SH3BGR: variants seen among roughly 807,000 people sequenced by gnomAD.
SH3BGR encodes the protein SH3 domain binding glutamate rich protein, also known as SH3 domain-binding glutamic acid-rich protein.
In SH3BGR, 29 loss-of-function variants were observed where a neutral mutation model predicts 24.5. The observed-to-expected ratio is 1.18, with a 90% CI of 0.88 to 1.61. The LOEUF (loss-of-function observed/expected upper bound fraction) is 1.61, where lower values mean the gene tolerates loss of function less well. Among genes scored for constraint, SH3BGR ranks in the 40% most tolerant of loss-of-function variants. The probability of loss-of-function intolerance (pLI) is 0.00; values close to 1 mark genes in which losing one functional copy is unlikely to be tolerated. For synonymous variants in SH3BGR, 55 were observed against 65.7 expected (o/e 0.84, Z 0.79); for missense variants, 162 against 205.8 (o/e 0.79, Z 1.30).
chr21:39,514,998 T>C, intron 6 of SH3BGR, 90 bp from the exon 7 acceptor site: 1 of 392,482 alleles, frequency 2.5e-6, no homozygotes. Flanking sequence ...GGCAACACTT[T>C]CCTTTATTGT....
In SH3BGR at chr21:39,499,909, G is replaced by A. The variant is rs2078465023; in HGVS notation, c.399G>A (p.Glu133=). Residue 133 remains glutamate, a synonymous_variant, in exon 4 of 7, where the codon GAG becomes GAA. Transcript: ENST00000333634. ...TGGGCAACCTCCCTGAAGCCCAGGA[G>A]AAGAATGTGAGTTTTCGCTTTTTCA... is the stretch of plus-strand genomic sequence containing the variant. ...EDVGNLPEAQ[E]KNEEEGETAT... is the part of the protein sequence containing the mutation. 2.5e-6 allele frequency: 4 copies of A among 1,611,156 alleles called. No individual in the cohort carries two copies. The highest frequency in any genetic ancestry group is 2.5e-6 in the Non-Finnish European group (3 of 1,177,600).
At chr21:39,493,440 T>C (rs2078338192) in intron 3 of SH3BGR, among the ~76,000 whole-genome samples, 1 of 152,248 alleles carries the variant, frequency 6.6e-6, no homozygotes, top group Admixed American at 6.5e-5. Context: ...TTTGGTATTA[T>C]TTCTGGGTTC....
rs190041564 is a variant in SH3BGR, at chr21:39,475,321, A to G, written c.312+106A>G. On this transcript the variant is annotated intron_variant, in intron 3 of 6. Coordinates refer to ENST00000333634, the MANE Select transcript of SH3BGR (RefSeq NM_007341.3). ...AATACATGATGATCTCTAAATTAAC[A>G]TTACTTTAGTACACTTCTTATTCTG... 4.5e-5 allele frequency: 32 copies of G among 711,818 alleles called. No homozygotes were observed. In the Middle Eastern group the frequency reaches 9.6e-4, roughly 21 times the overall value. 44.1% of individuals were successfully genotyped at this position (711,818 alleles called of 1,614,324 possible).
chr21:39,479,182 C>T (rs1025038507), intron 3 of SH3BGR, among the ~76,000 whole-genome samples: 3 of 148,318 alleles, frequency 2.0e-5, no homozygotes, highest in African/African-American at 7.5e-5. Flanking sequence ...CCAGTCTTGG[C>T]AACATAACGA....
intron 3 of SH3BGR, among the ~76,000 whole-genome samples, chr21:39,488,039 G>T (rs1411710537): frequency 6.6e-6 from 1 of 152,144 alleles, no homozygotes; most frequent in African/African-American, 2.4e-5. Flanking sequence ...GGTCCTTACT[G>T]CAGGAAAGGG....
intron 4 of SH3BGR, among the ~76,000 whole-genome samples, chr21:39,503,024 C>A (rs1251145255): frequency 6.6e-6 from 1 of 151,472 alleles, no homozygotes; most frequent in African/African-American, 2.4e-5. Context: ...AGCTTTATCA[C>A]CCCATTAGCC....
upstream of SH3BGR, among the ~76,000 whole-genome samples, chr21:39,448,848 T>G (rs1255887245): frequency 3.3e-5 from 5 of 152,298 alleles, no homozygotes; most frequent in African/African-American, 1.2e-4. Flanking sequence ...CCCGATAGAC[T>G]GCCTGATGCC....
intron 1 of SH3BGR, among the ~76,000 whole-genome samples, chr21:39,457,149 A>T (rs1235474766): frequency 6.8e-6 from 1 of 146,618 alleles, no homozygotes; most frequent in African/African-American, 2.5e-5. Context: ...AGAACAAATT[A>T]TATATAAATC....
At chr21:39,506,292 T>C (rs1337513891) in intron 4 of SH3BGR, among the ~76,000 whole-genome samples, 1 of 152,158 alleles carries the variant, frequency 6.6e-6, no homozygotes, top group Non-Finnish European at 1.5e-5. Flanking sequence ...TCCTTGGAAA[T>C]GTTTTGAGCA....
intron 6 of SH3BGR, among the ~76,000 whole-genome samples, chr21:39,513,524 G>A (rs1347329537): frequency 3.3e-5 from 5 of 150,890 alleles, no homozygotes; most frequent in Non-Finnish European, 5.9e-5. Flanking sequence ...GGACCATAAA[G>A]GTTTTGTCAT....
At position 39,452,497 on chromosome 21, in the gene SH3BGR, A is replaced by C. The variant is rs79615632; in HGVS notation, c.45+356A>C. On this transcript the variant is annotated intron_variant, in intron 1 of 6. Coordinates refer to ENST00000333634, the MANE Select transcript of SH3BGR (RefSeq NM_007341.3). ...AAGGCTTAAACTAATTTAAAATTGT[A>C]AATAAATGATACTTTGTGTAACACT... is the stretch of plus-strand genomic sequence containing the variant. 5.3e-3 allele frequency among the ~76,000 whole-genome samples: 811 copies of C among 152,364 alleles called. 3 individuals carry two copies. The highest frequency in any genetic ancestry group is 9.0e-3 in the Non-Finnish European group (613 of 68,032).
upstream of SH3BGR, among the ~76,000 whole-genome samples, chr21:39,449,885 A>G (rs559016612): frequency 3.3e-5 from 5 of 152,354 alleles, no homozygotes; most frequent in African/African-American, 1.2e-4. Context: ...GATCTGGCAC[A>G]TGGACAACAC....
At position 39,505,962 on chromosome 21, in the gene SH3BGR, A is replaced by G. The variant is rs144448401; in HGVS notation, c.406-3036A>G. 5.3e-3 allele frequency among the ~76,000 whole-genome samples: 804 copies of G among 152,354 alleles called. 1 individual carries two copies. Among genetic ancestry groups the G allele is most frequent in the Non-Finnish European group, 9.4e-3 (641 of 68,028 alleles). On this transcript the variant is annotated intron_variant, in intron 4 of 6. Transcript: ENST00000333634. The stretch of plus-strand genomic sequence containing the variant: ...GAAGAATGTAAAACTCTACATAACC[A>G]ATAATTCTATGGTACATATAATGAA...
At chr21:39,495,834 T>C (rs2078385269) in intron 3 of SH3BGR, among the ~76,000 whole-genome samples, 1 of 152,188 alleles carries the variant, frequency 6.6e-6, no homozygotes, top group Admixed American at 6.5e-5. Context: ...GAATTAAAGA[T>C]AATTCACCAT....
At chr21:39,514,475 C>T (rs907454458) in intron 6 of SH3BGR, among the ~76,000 whole-genome samples, 2 of 152,134 alleles carry the variant, frequency 1.3e-5, no homozygotes, top group Non-Finnish European at 1.5e-5. Context: ...GATCCTCCCA[C>T]CTCAGCTTCT....
intron 4 of SH3BGR, among the ~76,000 whole-genome samples, chr21:39,504,525 C>T (rs1465027818): frequency 6.6e-6 from 1 of 152,170 alleles, no homozygotes; most frequent in African/African-American, 2.4e-5. Flanking sequence ...GCCAAGTTTC[C>T]AACAAAAATA....
At chr21:39,485,632 C>A (rs912543845) in intron 3 of SH3BGR, among the ~76,000 whole-genome samples, 1 of 151,360 alleles carries the variant, frequency 6.6e-6, no homozygotes, top group East Asian at 1.9e-4. Flanking sequence ...TGCTTCTCAA[C>A]AAAAGTTCTG....
At position 39,482,076 on chromosome 21, in the gene SH3BGR, T is replaced by G. The variant is rs559266481; in HGVS notation, c.312+6861T>G. The stretch of plus-strand genomic sequence containing the variant: ...CTCACTGATATCAAATGCTGCCTGT[T>G]GCAAACGTGAAGTCCATAGTCTCAC... On this transcript the variant is annotated intron_variant, in intron 3 of 6. Coordinates refer to ENST00000333634, the MANE Select transcript of SH3BGR (RefSeq NM_007341.3). Among the ~76,000 whole-genome samples, 9 of 152,374 alleles carry G rather than the reference T, an allele frequency of 5.9e-5. No homozygotes were observed. In the South Asian group the frequency reaches 1.9e-3, roughly 32 times the overall value.
chr21:39,490,275 TAA>T (rs2123458924), intron 3 of SH3BGR, among the ~76,000 whole-genome samples: 1 of 152,296 alleles, frequency 6.6e-6, no homozygotes, highest in Non-Finnish European at 1.5e-5. Context: ...GGAAAAAGCA[TAA>T]GAGAGAAGAC....
Sources: allele counts gnomAD v4.1 joint callset (sites outside exome capture counted in the v4.1 genomes callset), GRCh38; gene constraint gnomAD v4.1.1; transcripts MANE v1.5; gene names NCBI Gene and HGNC (gene_info 2026-07-23, HGNC 2026-07-21).